IL1RAPL2: variants seen among roughly 807,000 people sequenced by gnomAD.
IL1RAPL2 encodes the protein interleukin 1 receptor accessory protein like 2.
Under a neutral mutation model 44.1 loss-of-function variants are expected in IL1RAPL2, and 3 were observed. That is an observed-to-expected ratio of 0.07 (90% CI 0.03 to 0.18). The LOEUF is 0.18. Among genes scored for constraint, IL1RAPL2 ranks in the 10% least tolerant of loss-of-function variants. The pLI, the probability that IL1RAPL2 is intolerant of heterozygous loss-of-function variation, is 1.00. For missense variants in IL1RAPL2, 391 were observed against 496.4 expected (o/e 0.79, Z 2.02); for synonymous variants, 181 against 178.8 (o/e 1.01, Z -0.10).
intron 1 of IL1RAPL2, among the ~76,000 whole-genome samples, chrX:104,621,618 C>A (rs944370702): frequency 9.0e-6 from 1 of 110,808 alleles, no homozygotes; most frequent in African/African-American, 3.3e-5. Context: ...ACAACAGGGC[C>A]CTCTCCACTC....
At chrX:105,188,761 A>G (rs1357579178) in intron 2 of IL1RAPL2, among the ~76,000 whole-genome samples, 1 of 112,603 alleles carries the variant, frequency 8.9e-6, no homozygotes, top group Non-Finnish European at 1.9e-5. Flanking sequence ...ACTTGAGGCA[A>G]TAATCATTCA....
intron 5 of IL1RAPL2, among the ~76,000 whole-genome samples, chrX:105,378,358 G>A (rs1325118826): frequency 9.0e-6 from 1 of 111,595 alleles, no homozygotes; most frequent in African/African-American, 3.2e-5. Flanking sequence ...TTTTATTTAC[G>A]CCTTTCAGCT....
At position 104,934,302 on chromosome X, in the gene IL1RAPL2, T is replaced by C. The variant is rs772989236; in HGVS notation, c.83-261173T>C. On this transcript the variant is annotated intron_variant, in intron 2 of 10. Coordinates refer to ENST00000372582, the MANE Select transcript of IL1RAPL2 (RefSeq NM_017416.2). ...GAACTTCAGTTTAAAACATCTGCCA[T>C]CAAGGAACAAATCAAGACACAATGA... Among the ~76,000 whole-genome samples, 4 of 110,166 alleles carry C rather than the reference T, an allele frequency of 3.6e-5. 1 individual carries two copies. The highest frequency in any genetic ancestry group is 7.6e-5 in the Non-Finnish European group (4 of 52,673).
At chrX:105,157,802 T>A (rs771983113) in intron 2 of IL1RAPL2, among the ~76,000 whole-genome samples, 23 of 112,499 alleles carry the variant, frequency 2.0e-4, no homozygotes, top group Non-Finnish European at 4.1e-4. Flanking sequence ...ATTTCAGGAA[T>A]TAGTCAGCAA....
At chrX:105,135,046 C>T (rs201413074) in intron 2 of IL1RAPL2, among the ~76,000 whole-genome samples, 2 of 57,508 alleles carry the variant, frequency 3.5e-5, no homozygotes, top group Non-Finnish European at 7.7e-5. Flanking sequence ...TTCAGAGCTA[C>T]AAAAAAAAAA....
At chrX:104,856,062 G>A (rs1922357575) in intron 2 of IL1RAPL2, among the ~76,000 whole-genome samples, 1 of 110,895 alleles carries the variant, frequency 9.0e-6, no homozygotes, top group African/African-American at 3.3e-5. Flanking sequence ...TTAAATATCT[G>A]ATCAAGTGCC....
Position 105,481,223 on chromosome X carries a change from T to G in IL1RAPL2, c.698-3090T>G, listed in dbSNP as rs761336669. Among the ~76,000 whole-genome samples, 121 of 112,234 alleles carry G rather than the reference T, an allele frequency of 1.1e-3. 1 individual carries two copies. The highest frequency in any genetic ancestry group is 2.0e-3 in the Non-Finnish European group (104 of 53,201). ...TTATATCCTGTTTTCCTATTCATCTTGCAAGTGGGGGCTTTTGGTCCCAAG... is the reference window on the plus strand; with the variant it reads ...TTATATCCTGTTTTCCTATTCATCTGGCAAGTGGGGGCTTTTGGTCCCAAG... On this transcript the variant is annotated intron_variant, in intron 5 of 10. Coordinates refer to ENST00000372582, the MANE Select transcript of IL1RAPL2 (RefSeq NM_017416.2).
Position 104,949,194 on chromosome X carries a change from G to GT in IL1RAPL2, c.83-246278dup, listed in dbSNP as rs1435329383. ...TTATCCATTTCTTCTAGATTTTCTA[G>GT]TTTATTTGCGTAGAGGTGTTTGTAG... is the stretch of plus-strand genomic sequence containing the variant. On this transcript the variant is annotated intron_variant, in intron 2 of 10. Transcript: ENST00000372582. Among the ~76,000 whole-genome samples the GT allele has an allele frequency of 1.4e-3, 150 of 108,488 alleles. 1 individual carries two copies. Among genetic ancestry groups the GT allele is most frequent in the Middle Eastern group, 4.7e-3 (1 of 212 alleles). 94.2% of individuals were successfully genotyped at this position (108,488 alleles called of 115,157 possible). A position where few individuals can be genotyped will look rare whatever the true frequency, so the allele number is the denominator to read the frequency against.
intron 6 of IL1RAPL2, among the ~76,000 whole-genome samples, chrX:105,655,260 G>C (rs2037669658): frequency 8.9e-6 from 1 of 112,628 alleles, no homozygotes; most frequent in South Asian, 3.6e-4. Flanking sequence ...CAGGCACAAA[G>C]TACCAATCTT....
At chrX:105,020,813 A>C (rs1378232512) in intron 2 of IL1RAPL2, among the ~76,000 whole-genome samples, 4 of 111,449 alleles carry the variant, frequency 3.6e-5, no homozygotes, top group African/African-American at 1.3e-4. Flanking sequence ...GTAACTCAGC[A>C]AGGTGGACAG....
intron 5 of IL1RAPL2, among the ~76,000 whole-genome samples, chrX:105,381,386 T>A (rs993602082): frequency 4.5e-5 from 5 of 111,812 alleles, no homozygotes; most frequent in Non-Finnish European, 9.4e-5. Context: ...CTATCTTTCC[T>A]TTTGGTTATA....
At chrX:104,678,485 T>C (rs961217944) in intron 2 of IL1RAPL2, among the ~76,000 whole-genome samples, 1 of 112,012 alleles carries the variant, frequency 8.9e-6, no homozygotes, top group Non-Finnish European at 1.9e-5. Flanking sequence ...TTAGCCTTTT[T>C]ATAGAGCCAC....
At chrX:104,944,246 C>A (rs751230539) in intron 2 of IL1RAPL2, among the ~76,000 whole-genome samples, 77 of 111,996 alleles carry the variant, frequency 6.9e-4, no homozygotes, top group African/African-American at 2.1e-3. Flanking sequence ...AAAGCAAGGA[C>A]TTTCATTTCC....
chrX:104,744,451 T>C (rs1932140933), intron 2 of IL1RAPL2, among the ~76,000 whole-genome samples: 1 of 111,608 alleles, frequency 9.0e-6, no homozygotes, highest in African/African-American at 3.3e-5. Flanking sequence ...TTCTCCTGTG[T>C]GACTTTCATC....
intron 5 of IL1RAPL2, among the ~76,000 whole-genome samples, chrX:105,478,156 C>T (rs2036210247): frequency 9.1e-6 from 1 of 109,803 alleles, no homozygotes; most frequent in Admixed American, 9.9e-5. Flanking sequence ...TCTAACACAA[C>T]CTAAGTTTTC....
At position 104,873,562 on chromosome X, in the gene IL1RAPL2, A is replaced by T. The variant is rs768515682; in HGVS notation, c.82+214567A>T. On this transcript the variant is annotated intron_variant, in intron 2 of 10. Coordinates refer to ENST00000372582, the MANE Select transcript of IL1RAPL2 (RefSeq NM_017416.2). ...AGCTCTGCTCCATGTTTTCTTCACT[A>T]ACAGGGAAGCCTCTATCTGGGACCT... Among the ~76,000 whole-genome samples, 8 of 111,429 alleles carry T rather than the reference A, an allele frequency of 7.2e-5. No individual in the cohort carries two copies. The East Asian group carries it at 2.3e-3, about 32-fold the overall frequency.
chrX:105,010,312 C>T (rs7886165), intron 2 of IL1RAPL2, among the ~76,000 whole-genome samples: 45 of 111,311 alleles, frequency 4.0e-4, no homozygotes, highest in African/African-American at 1.3e-3. Context: ...GTTTCACTCT[C>T]ATTTTGGGAT....
chrX:105,348,760 T>A (rs943584280), intron 5 of IL1RAPL2, among the ~76,000 whole-genome samples: 2 of 111,574 alleles, frequency 1.8e-5, no homozygotes, highest in Non-Finnish European at 3.8e-5. Context: ...AGTGGGGGTT[T>A]ATATAGCAGG....
chrX:104,828,300 G>A (rs1487012353), intron 2 of IL1RAPL2, among the ~76,000 whole-genome samples: 2 of 111,743 alleles, frequency 1.8e-5, no homozygotes, highest in Non-Finnish European at 3.8e-5. Flanking sequence ...GTGACCTTCG[G>A]ATGGATTTTT....
Sources: gnomAD v4.1 joint callset for allele counts (sites outside exome capture counted in the v4.1 genomes callset) on GRCh38, gnomAD v4.1.1 for gene constraint, MANE v1.5 for transcripts, NCBI Gene and HGNC (gene_info 2026-07-23, HGNC 2026-07-21) for gene names.